The following NXPE4 variants were observed in gnomAD, a reference collection of about 807,000 sequenced individuals.
The protein encoded by NXPE4 is NXPE family member 4.
A neutral mutation model predicts 33.3 loss-of-function variants in NXPE4; 42 were observed. That is an observed-to-expected ratio of 1.26 (90% CI 0.98 to 1.63). The LOEUF (loss-of-function observed/expected upper bound fraction) is 1.63, where lower values mean the gene tolerates loss of function less well. NXPE4 is among the 40% of genes most tolerant of loss of function. NXPE4 has a pLI of 0.00. For missense variants in NXPE4, 709 were observed against 647.6 expected, an observed-to-expected ratio of 1.09 and a Z score of -1.03; for synonymous variants, 253 against 234.9, an observed-to-expected ratio of 1.08 and a Z score of -0.71.
the NXPE4 span, among the ~76,000 whole-genome samples, chr11:114,652,646 C>T: frequency 0.16 from 24,795 of 152,144 alleles, 2,506 homozygotes; most frequent in East Asian, 0.38. Context: ...GTCTTGAAAT[C>T]ATTCTTGAAG....
At chr11:114,607,901 C>G in the NXPE4 span, among the ~76,000 whole-genome samples, 1 of 151,962 alleles carries the variant, frequency 6.6e-6, no homozygotes, top group Admixed American at 6.6e-5. Flanking sequence ...CGTGGGTAAC[C>G]ACAGTTACCC....
At chr11:114,605,322 G>A in the NXPE4 span, among the ~76,000 whole-genome samples, 189 of 151,958 alleles carry the variant, frequency 1.2e-3, no homozygotes, top group African/African-American at 4.3e-3. Context: ...CTCTTACCTG[G>A]TGGATAATAA....
chr11:114,657,240 A>C, the NXPE4 span, among the ~76,000 whole-genome samples: 1 of 152,138 alleles, frequency 6.6e-6, no homozygotes, highest in African/African-American at 2.4e-5. Context: ...CTCTGATTGC[A>C]GTTGATGGTT....
chr11:114,571,371 G>A lies in NXPE4; in HGVS notation c.1202C>T (p.Pro401Leu). The part of the protein sequence containing the change: ...INIQWQKYCY[P>L]LIGSMTYSVK... ...TGAATAGGTCATTGATCCTATCAAG[G>A]GATAACAATATTTTTGCCACTGGAT... is the stretch of plus-strand genomic sequence containing the variant. Residue 401 changes from proline to leucine, a missense_variant, in exon 6 of 6, where the codon CCC becomes CTC. Pro to Leu is a moderately conservative substitution (Grantham distance 98). Transcript: ENST00000375478. The A allele has an allele frequency of 6.2e-7, 1 of 1,613,934 alleles. No homozygotes were observed. The highest frequency in any genetic ancestry group is 1.1e-5 in the South Asian group (1 of 91,074).
chr11:114,633,012 A>C, the NXPE4 span, among the ~76,000 whole-genome samples: 1 of 106,770 alleles, frequency 9.4e-6, no homozygotes, highest in Non-Finnish European at 1.7e-5. Flanking sequence ...AATATATATT[A>C]TATAATATAT....
At chr11:114,582,264 G>T (rs777788051) in intron 3 of NXPE4, 24 bp downstream of exon 3, 3 of 1,535,008 alleles carry the variant, frequency 2.0e-6, no homozygotes, top group East Asian at 4.5e-5. Context: ...TGCACAGGTA[G>T]TCTCAAGAAG....
chr11:114,646,155 CTT>C, the NXPE4 span, among the ~76,000 whole-genome samples: 1 of 151,974 alleles, frequency 6.6e-6, no homozygotes, highest in African/African-American at 2.4e-5. Context: ...ATAGTGGTAA[CTT>C]TGTCATTTCT....
At chr11:114,649,136 T>G in the NXPE4 span, among the ~76,000 whole-genome samples, 2 of 152,006 alleles carry the variant, frequency 1.3e-5, no homozygotes, top group Non-Finnish European at 2.9e-5. Context: ...GTCATGTTTT[T>G]TTTTTTTTAA....
chr11:114,634,856 G>C, the NXPE4 span, among the ~76,000 whole-genome samples: 1 of 151,966 alleles, frequency 6.6e-6, no homozygotes, highest in Non-Finnish European at 1.5e-5. Context: ...ATGCTGTTTT[G>C]GTTACTGTAG....
chr11:114,654,163 T>C, the NXPE4 span, among the ~76,000 whole-genome samples: 1 of 152,090 alleles, frequency 6.6e-6, no homozygotes, highest in Non-Finnish European at 1.5e-5. Flanking sequence ...CAGCCTGGCA[T>C]TGAAGTCTCT....
chr11:114,630,043 C>T, the NXPE4 span, among the ~76,000 whole-genome samples: 1 of 151,356 alleles, frequency 6.6e-6, no homozygotes, highest in African/African-American at 2.4e-5. Context: ...AATGGAAGAA[C>T]ATTCCATGCT....
the NXPE4 span, among the ~76,000 whole-genome samples, chr11:114,663,637 C>CATCT: frequency 0.16 from 22,005 of 138,392 alleles, 1,933 homozygotes; most frequent in Admixed American, 0.18. Context: ...ATCTATCTAT[C>CATCT]ATCTATCCAT....
At chr11:114,636,829 A>C in the NXPE4 span, among the ~76,000 whole-genome samples, 1,310 of 152,152 alleles carry the variant, frequency 8.6e-3, 7 homozygotes, top group African/African-American at 0.03. Context: ...TCTGAGAGAC[A>C]GTTTGTTATA....
At chr11:114,626,540 AC>A in the NXPE4 span, among the ~76,000 whole-genome samples, 2 of 152,192 alleles carry the variant, frequency 1.3e-5, no homozygotes, top group Non-Finnish European at 1.5e-5. Flanking sequence ...ATCATCAAAG[AC>A]CAAAGGTAGA....
the NXPE4 span, among the ~76,000 whole-genome samples, chr11:114,629,022 A>G: frequency 6.6e-6 from 1 of 152,206 alleles, no homozygotes; most frequent in Non-Finnish European, 1.5e-5. Flanking sequence ...AAATTGTGGC[A>G]ATAATCAATA....
chr11:114,570,930 T>G lies in NXPE4; in HGVS notation c.*8A>C, dbSNP rs778266905. 1 of 1,547,678 alleles carries G rather than the reference T, an allele frequency of 6.5e-7. No homozygotes were observed. The highest frequency in any genetic ancestry group is 1.2e-5 in the South Asian group (1 of 82,000). Reference sequence around the variant, plus strand: ...CTTAAGTGAATGAATTTCAGACTTTTGTGTTATTTAACAAATATAGTTTAA... The same window carrying G: ...CTTAAGTGAATGAATTTCAGACTTTGGTGTTATTTAACAAATATAGTTTAA... On this transcript the variant is annotated 3_prime_UTR_variant, in exon 6 of 6. Transcript: ENST00000375478.
upstream of NXPE4, among the ~76,000 whole-genome samples, chr11:114,597,819 C>T (rs1949593757): frequency 6.6e-6 from 1 of 152,082 alleles, no homozygotes; most frequent in Non-Finnish European, 1.5e-5. Context: ...CAATTTGAGC[C>T]ACAAAATAAA....
At chr11:114,602,798 C>T in the NXPE4 span, among the ~76,000 whole-genome samples, 4 of 140,438 alleles carry the variant, frequency 2.8e-5, no homozygotes, top group African/African-American at 5.2e-5. Flanking sequence ...ATAATTATCT[C>T]ATATAATTAC....
At chr11:114,626,036 G>A in the NXPE4 span, among the ~76,000 whole-genome samples, 1 of 152,220 alleles carries the variant, frequency 6.6e-6, no homozygotes, top group African/African-American at 2.4e-5. Flanking sequence ...CGCCCACGGA[G>A]TCTCACTGAT....
Sources: allele counts gnomAD v4.1 joint callset (sites outside exome capture counted in the v4.1 genomes callset), GRCh38; gene constraint gnomAD v4.1.1; transcripts MANE v1.5; gene names NCBI Gene and HGNC (gene_info 2026-07-23, HGNC 2026-07-21).